EEFSEC: variants seen among roughly 807,000 people sequenced by gnomAD.
The protein encoded by EEFSEC is selenocysteine-specific elongation factor.
EEFSEC carries 43 observed loss-of-function variants against 42.1 expected under a neutral mutation model. The observed-to-expected ratio is 1.02, with a 90% CI of 0.80 to 1.32. The LOEUF (loss-of-function observed/expected upper bound fraction) is 1.32, where lower values mean the gene tolerates loss of function less well. EEFSEC is among the 40% of genes most tolerant of loss of function. The pLI, the probability that EEFSEC is intolerant of heterozygous loss-of-function variation, is 0.00. For synonymous variants in EEFSEC, 354 were observed against 339.1 expected (o/e 1.04, Z -0.48); for missense variants, 745 against 803.6 (o/e 0.93, Z 0.88).
chr3:128,398,038 G>A lies in EEFSEC; in HGVS notation c.1601-10031G>A, dbSNP rs575192137. The stretch of plus-strand genomic sequence containing the variant: ...GGCTGTCAGCCTGGAGGAGGGTGAT[G>A]AGGAGCCCAGAAGGTGGGTGGGGGA... On this transcript the variant is annotated intron_variant, in intron 6 of 6. Transcript: ENST00000254730. 1.4e-4 allele frequency among the ~76,000 whole-genome samples: 21 copies of A among 152,378 alleles called. No homozygotes were observed. The South Asian group carries it at 4.3e-3, about 32-fold the overall frequency.
chr3:128,326,243 G>A (rs1356313432), intron 4 of EEFSEC, among the ~76,000 whole-genome samples: 1 of 152,218 alleles, frequency 6.6e-6, no homozygotes, highest in Non-Finnish European at 1.5e-5. Context: ...TGGCTCCTGG[G>A]CCCAGCCTGT....
At chr3:128,335,290 A>T (rs1266475304) in intron 4 of EEFSEC, among the ~76,000 whole-genome samples, 1 of 152,208 alleles carries the variant, frequency 6.6e-6, no homozygotes, top group Non-Finnish European at 1.5e-5. Context: ...AAGCGTTGGG[A>T]AGCTCTATGA....
At chr3:128,156,236 A>G (rs1944379385) in intron 1 of EEFSEC, among the ~76,000 whole-genome samples, 1 of 152,234 alleles carries the variant, frequency 6.6e-6, no homozygotes, top group Admixed American at 6.5e-5. Flanking sequence ...TAACCACACA[A>G]CTATTTATTG....
chr3:128,266,365 C>T (rs1559893641), intron 4 of EEFSEC, among the ~76,000 whole-genome samples: 1 of 151,998 alleles, frequency 6.6e-6, no homozygotes, highest in African/African-American at 2.4e-5. Context: ...CCATGTCTTG[C>T]GTGTGCCATC....
chr3:128,223,693 A>ACT (rs2065882077), intron 1 of EEFSEC, among the ~76,000 whole-genome samples: 1 of 152,184 alleles, frequency 6.6e-6, no homozygotes, highest in South Asian at 2.1e-4. Flanking sequence ...ACAACACAGA[A>ACT]ATGTTGTATG....
intron 2 of EEFSEC, among the ~76,000 whole-genome samples, chr3:128,250,862 C>T (rs1427559810): frequency 1.3e-5 from 2 of 149,630 alleles, no homozygotes; most frequent in Non-Finnish European, 3.0e-5. Context: ...TCTTCTAATC[C>T]ATGAACCATA....
At position 128,397,963 on chromosome 3, in the gene EEFSEC, G is replaced by A. The variant is rs189868927; in HGVS notation, c.1601-10106G>A. Among the ~76,000 whole-genome samples, 42 of 152,368 alleles carry A rather than the reference G, an allele frequency of 2.8e-4. No individual in the cohort carries two copies. The East Asian group carries it at 5.0e-3, about 18-fold the overall frequency. On this transcript the variant is annotated intron_variant, in intron 6 of 6. Coordinates refer to ENST00000254730, the MANE Select transcript of EEFSEC (RefSeq NM_021937.5). ...CCATCAGCCCAGCTGGTAGGTGGTC[G>A]GCAGACCTGCTCACCCCCCAGCCTC...
chr3:128,313,308 A>C (rs1328604021), intron 4 of EEFSEC, among the ~76,000 whole-genome samples: 2 of 152,240 alleles, frequency 1.3e-5, no homozygotes, highest in Non-Finnish European at 2.9e-5. Flanking sequence ...GGACAGGGCA[A>C]AATGGAGATG....
chr3:128,353,770 T>C (rs2067417987), intron 5 of EEFSEC, among the ~76,000 whole-genome samples: 1 of 152,222 alleles, frequency 6.6e-6, no homozygotes, highest in Admixed American at 6.5e-5. Context: ...GAATGGGGCA[T>C]TGCCACACTC....
chr3:128,355,326 T>G (rs1364215643), intron 5 of EEFSEC, among the ~76,000 whole-genome samples: 1 of 152,042 alleles, frequency 6.6e-6, no homozygotes, highest in East Asian at 1.9e-4. Flanking sequence ...GCCTGCAATG[T>G]CGGGGAAGCT....
intron 1 of EEFSEC, among the ~76,000 whole-genome samples, chr3:128,181,408 A>G (rs2065403811): frequency 6.6e-6 from 1 of 152,230 alleles, no homozygotes; most frequent in Non-Finnish European, 1.5e-5. Flanking sequence ...CTTGGCCCAC[A>G]AGTGGGCATT....
chr3:128,294,446 C>T (rs2066680562), intron 4 of EEFSEC, among the ~76,000 whole-genome samples: 1 of 152,226 alleles, frequency 6.6e-6, no homozygotes, highest in Non-Finnish European at 1.5e-5. Context: ...TATTGAGCCT[C>T]TAGAAATGAC....
chr3:128,196,228 A>G (rs1282491818), intron 1 of EEFSEC, among the ~76,000 whole-genome samples: 1 of 152,244 alleles, frequency 6.6e-6, no homozygotes, highest in Non-Finnish European at 1.5e-5. Flanking sequence ...GCCAAATGAA[A>G]TTATTCGTTT....
chr3:128,331,563 T>C (rs996137570), intron 4 of EEFSEC, among the ~76,000 whole-genome samples: 1 of 151,454 alleles, frequency 6.6e-6, no homozygotes, highest in African/African-American at 2.4e-5. Flanking sequence ...TTCTCCTCCA[T>C]GCATCTCCCC....
chr3:128,220,222 C>T (rs772610055), intron 1 of EEFSEC, among the ~76,000 whole-genome samples: 5 of 152,170 alleles, frequency 3.3e-5, no homozygotes, highest in Non-Finnish European at 5.9e-5. Flanking sequence ...AGTCTGTGCT[C>T]CCAAGCAAAG....
chr3:128,200,199 C>T (rs1257184114), intron 1 of EEFSEC, among the ~76,000 whole-genome samples: 3 of 152,226 alleles, frequency 2.0e-5, no homozygotes, highest in African/African-American at 7.2e-5. Context: ...TCAGCTTTCA[C>T]TCTGGATATA....
chr3:128,187,341 T>C (rs1038657697), intron 1 of EEFSEC, among the ~76,000 whole-genome samples: 1 of 152,148 alleles, frequency 6.6e-6, no homozygotes, highest in African/African-American at 2.4e-5. Context: ...GAAATCAGCA[T>C]GTTGATAGAA....
At chr3:128,157,017 G>A (rs1382268334) in intron 1 of EEFSEC, among the ~76,000 whole-genome samples, 1 of 152,228 alleles carries the variant, frequency 6.6e-6, no homozygotes, top group Admixed American at 6.5e-5. Flanking sequence ...AGTTTTGGAC[G>A]CAAAGGAAAA....
chr3:128,386,911 G>T (rs1325116627), intron 6 of EEFSEC, among the ~76,000 whole-genome samples: 4 of 152,204 alleles, frequency 2.6e-5, no homozygotes, highest in African/African-American at 9.6e-5. Flanking sequence ...CTCCAACACT[G>T]GGGGTCACAT....
Sources: allele counts gnomAD v4.1 joint callset (sites outside exome capture counted in the v4.1 genomes callset), GRCh38; gene constraint gnomAD v4.1.1; transcripts MANE v1.5; gene names NCBI Gene and HGNC (gene_info 2026-07-23, HGNC 2026-07-21).